CTNNA2: variants seen among roughly 807,000 people sequenced by gnomAD.
CTNNA2 encodes the protein catenin alpha 2.
CTNNA2 carries 42 observed loss-of-function variants against 101.0 expected under a neutral mutation model. The observed-to-expected ratio is 0.42, with a 90% CI of 0.32 to 0.54. The LOEUF (loss-of-function observed/expected upper bound fraction) is 0.54. Among genes scored for constraint, CTNNA2 ranks in the 20% least tolerant of loss-of-function variants. CTNNA2 has a pLI of 0.14. For synonymous variants in CTNNA2, 450 were observed against 456.4 expected (o/e 0.99, Z 0.18); for missense variants, 871 against 1,223.1 (o/e 0.71, Z 4.29).
intron 3 of CTNNA2, among the ~76,000 whole-genome samples, chr2:79,800,829 A>G (rs1676097094): frequency 6.6e-6 from 1 of 152,168 alleles, no homozygotes; most frequent in Non-Finnish European, 1.5e-5. Flanking sequence ...AGCGCTAATT[A>G]TTGTTTTGTT....
chr2:79,759,823 A>T (rs976136616), intron 3 of CTNNA2, among the ~76,000 whole-genome samples: 1 of 152,234 alleles, frequency 6.6e-6, no homozygotes, highest in Non-Finnish European at 1.5e-5. Context: ...TATTTAATAT[A>T]GCCCAAATAC....
At chr2:80,040,353 T>G (rs945778315) in intron 7 of CTNNA2, among the ~76,000 whole-genome samples, 1 of 152,232 alleles carries the variant, frequency 6.6e-6, no homozygotes, top group Admixed American at 6.5e-5. Flanking sequence ...GCAGACTTGA[T>G]TGATATTTGA....
chr2:79,854,727 C>T (rs1000008715), intron 3 of CTNNA2, among the ~76,000 whole-genome samples: 6 of 151,990 alleles, frequency 3.9e-5, no homozygotes, highest in South Asian at 2.1e-4. Flanking sequence ...AAGGCTTTAC[C>T]GTGGAAATGT....
intron 2 of CTNNA2, among the ~76,000 whole-genome samples, chr2:79,254,299 A>G (rs1310756993): frequency 6.6e-6 from 1 of 152,108 alleles, no homozygotes; most frequent in Non-Finnish European, 1.5e-5. Flanking sequence ...CCCAAATCTC[A>G]TGTCAAGTTG....
At chr2:79,933,225 G>A (rs1687565348) in intron 7 of CTNNA2, among the ~76,000 whole-genome samples, 1 of 152,022 alleles carries the variant, frequency 6.6e-6, no homozygotes, top group Non-Finnish European at 1.5e-5. Context: ...ATAGATTCAT[G>A]GGTTTAATAT....
intron 9 of CTNNA2, among the ~76,000 whole-genome samples, chr2:80,439,381 A>G (rs954852090): frequency 6.6e-6 from 1 of 152,052 alleles, no homozygotes; most frequent in Non-Finnish European, 1.5e-5. Context: ...TCTAGTGTTT[A>G]TAAGGTTTTT....
chr2:79,565,378 C>T (rs895683215), intron 1 of CTNNA2, among the ~76,000 whole-genome samples: 1 of 151,998 alleles, frequency 6.6e-6, no homozygotes, highest in Non-Finnish European at 1.5e-5. Flanking sequence ...TGCAAATGGA[C>T]GAACTTCCTG....
At chr2:80,365,469 A>T (rs1038423854) in intron 7 of CTNNA2, among the ~76,000 whole-genome samples, 1 of 152,016 alleles carries the variant, frequency 6.6e-6, no homozygotes, top group African/African-American at 2.4e-5. Context: ...TTTTTTAAAA[A>T]TGTACTCATC....
At chr2:79,953,410 C>T (rs554077779) in intron 7 of CTNNA2, among the ~76,000 whole-genome samples, 116 of 152,182 alleles carry the variant, frequency 7.6e-4, no homozygotes, top group Non-Finnish European at 1.5e-3. Context: ...ACACTCCTGT[C>T]CTCATGAAGG....
chr2:79,453,582 G>C (rs532481565), intron 4 of CTNNA2, among the ~76,000 whole-genome samples: 3 of 152,176 alleles, frequency 2.0e-5, no homozygotes, highest in African/African-American at 7.2e-5. Context: ...AAGTATGGTT[G>C]GCTCTCCATA....
intron 7 of CTNNA2, among the ~76,000 whole-genome samples, chr2:80,148,611 T>C (rs1703498729): frequency 1.3e-5 from 2 of 152,212 alleles, no homozygotes; most frequent in Non-Finnish European, 2.9e-5. Context: ...TTTTAAGAGA[T>C]TTGATTCTGG....
At chr2:79,842,589 C>G (rs1436637316) in intron 3 of CTNNA2, among the ~76,000 whole-genome samples, 1 of 152,142 alleles carries the variant, frequency 6.6e-6, no homozygotes, top group Non-Finnish European at 1.5e-5. Flanking sequence ...CTCTTTGCAT[C>G]AAGGTTACTA....
At chr2:80,232,607 G>T (rs1709320953) in intron 7 of CTNNA2, among the ~76,000 whole-genome samples, 1 of 151,990 alleles carries the variant, frequency 6.6e-6, no homozygotes, top group African/African-American at 2.4e-5. Flanking sequence ...CAAGCTTGGA[G>T]TGGCCATTTT....
intron 7 of CTNNA2, among the ~76,000 whole-genome samples, chr2:80,351,119 A>G (rs939553508): frequency 6.6e-5 from 10 of 152,190 alleles, no homozygotes; most frequent in Non-Finnish European, 1.3e-4. Context: ...AAGAATAAAA[A>G]GAAACAGATT....
chr2:80,060,967 C>G (rs1323825391), intron 7 of CTNNA2, among the ~76,000 whole-genome samples: 1 of 152,080 alleles, frequency 6.6e-6, no homozygotes, highest in African/African-American at 2.4e-5. Flanking sequence ...AAAGGGCCAC[C>G]CCAGCTGAGA....
chr2:80,435,552 C>T (rs1415686992), intron 9 of CTNNA2, among the ~76,000 whole-genome samples: 1 of 152,132 alleles, frequency 6.6e-6, no homozygotes, highest in Non-Finnish European at 1.5e-5. Flanking sequence ...CCACTGATTT[C>T]TTTTTAACTA....
intron 7 of CTNNA2, among the ~76,000 whole-genome samples, chr2:80,331,089 G>A (rs1671285873): frequency 6.7e-6 from 1 of 149,958 alleles, no homozygotes; most frequent in Non-Finnish European, 1.5e-5. Context: ...CAGTTTGTGA[G>A]AACAGTCCAT....
chr2:80,025,393 A>G (rs577450088), intron 7 of CTNNA2, among the ~76,000 whole-genome samples: 2 of 152,328 alleles, frequency 1.3e-5, no homozygotes, highest in African/African-American at 2.4e-5. Context: ...AGGAAGGAAC[A>G]TAGAGGAAGG....
intron 14 of CTNNA2, chr2:80,586,132 T>G (rs901412963): frequency 6.6e-6 from 1 of 152,188 alleles, no homozygotes; most frequent in African/African-American, 2.4e-5. Context: ...TTTATTAAGC[T>G]TCTACTCTGG....
Sources: gnomAD v4.1 joint callset for allele counts (sites outside exome capture counted in the v4.1 genomes callset) on GRCh38, gnomAD v4.1.1 for gene constraint, MANE v1.5 for transcripts, NCBI Gene and HGNC (gene_info 2026-07-23, HGNC 2026-07-21) for gene names.